The following MACROD1 variants were observed in gnomAD, a reference collection of about 807,000 sequenced individuals.
MACROD1 encodes mono-ADP ribosylhydrolase 1.
Under a neutral mutation model 41.4 loss-of-function variants are expected in MACROD1, and 31 were observed. The ratio of observed to expected loss-of-function variants is 0.75; its 90% CI spans 0.56 to 1.01. MACROD1 has a LOEUF of 1.01. Among genes scored for constraint, MACROD1 ranks in the 50% least tolerant of loss-of-function variants. The pLI is 0.00. For missense variants in MACROD1, 473 were observed against 460.0 expected (o/e 1.03, Z -0.26); for synonymous variants, 252 against 203.4 (o/e 1.24, Z -2.03).
At chr11:64,006,503 C>T (rs1386219758) in intron 4 of MACROD1, among the ~76,000 whole-genome samples, 3 of 152,208 alleles carry the variant, frequency 2.0e-5, no homozygotes, top group Non-Finnish European at 2.9e-5. Context: ...AAATTCATTA[C>T]GGGGTGAGAT....
At chr11:64,013,691 G>A (rs1227056966) in intron 4 of MACROD1, among the ~76,000 whole-genome samples, 1 of 152,148 alleles carries the variant, frequency 6.6e-6, no homozygotes, top group Non-Finnish European at 1.5e-5. Flanking sequence ...TTCCTGAACT[G>A]AATGGCTAAA....
intron 1 of MACROD1, among the ~76,000 whole-genome samples, chr11:64,163,833 G>A (rs1001314350): frequency 1.3e-5 from 2 of 152,202 alleles, no homozygotes; most frequent in African/African-American, 4.8e-5. Flanking sequence ...ACTATTGGGG[G>A]ATCTCCACAT....
At chr11:64,035,824 G>C (rs1374442466) in intron 3 of MACROD1, 3 of 144,904 alleles carry the variant, frequency 2.1e-5, no homozygotes, top group Non-Finnish European at 4.6e-5. Context: ...CTGGTTCCCC[G>C]CGCCCTGCTC....
intron 5 of MACROD1, 117 bp from the exon 6 acceptor site, chr11:63,999,880 GCCT>G: frequency 8.1e-7 from 1 of 1,228,586 alleles, no homozygotes; most frequent in Non-Finnish European, 1.1e-6. Context: ...CAAGCGCTGA[GCCT>G]CCTCCGCGAA....
chr11:64,086,039 C>G (rs1276894533), intron 3 of MACROD1, among the ~76,000 whole-genome samples: 2 of 152,194 alleles, frequency 1.3e-5, no homozygotes, highest in Non-Finnish European at 1.5e-5. Flanking sequence ...GTGGCCACAG[C>G]CTGTCCCTGC....
At chr11:64,114,319 A>T (rs1311169643) in intron 3 of MACROD1, among the ~76,000 whole-genome samples, 1 of 137,896 alleles carries the variant, frequency 7.3e-6, no homozygotes, top group Non-Finnish European at 1.5e-5. Flanking sequence ...TGGATGACGG[A>T]TGGATGGACG....
At chr11:64,066,267 A>C (rs942701607) in intron 3 of MACROD1, among the ~76,000 whole-genome samples, 1 of 141,216 alleles carries the variant, frequency 7.1e-6, no homozygotes, top group Non-Finnish European at 1.5e-5. Context: ...ACTGCACCCC[A>C]GCCTCGGTGA....
At chr11:64,091,846 C>T (rs1346757004) in intron 3 of MACROD1, among the ~76,000 whole-genome samples, 1 of 152,190 alleles carries the variant, frequency 6.6e-6, no homozygotes. Context: ...CCCAGCACAG[C>T]CAAAGGCAGG....
chr11:64,017,743 C>T (rs1407340425), intron 3 of MACROD1, among the ~76,000 whole-genome samples: 2 of 152,114 alleles, frequency 1.3e-5, no homozygotes, highest in Non-Finnish European at 2.9e-5. Context: ...CTGGGCAGTC[C>T]TGGCAGCGGT....
At chr11:64,051,512 C>A (rs1234612357) in intron 3 of MACROD1, among the ~76,000 whole-genome samples, 2 of 152,208 alleles carry the variant, frequency 1.3e-5, no homozygotes, top group Non-Finnish European at 2.9e-5. Context: ...GCTCCTGGCT[C>A]CTGGGCGGCA....
intron 4 of MACROD1, among the ~76,000 whole-genome samples, chr11:64,011,958 C>T (rs1396486389): frequency 6.6e-6 from 1 of 152,066 alleles, no homozygotes; most frequent in East Asian, 1.9e-4. Context: ...AGGCTGGGCT[C>T]CATTCCAGCC....
At chr11:64,143,076 T>C (rs931671603) in intron 3 of MACROD1, among the ~76,000 whole-genome samples, 1 of 131,924 alleles carries the variant, frequency 7.6e-6, no homozygotes, top group African/African-American at 3.0e-5. Flanking sequence ...ATTGCACCAC[T>C]GTACTCCAGC....
intron 3 of MACROD1, among the ~76,000 whole-genome samples, chr11:64,084,783 GC>G (rs1185474936): frequency 6.6e-6 from 1 of 152,202 alleles, no homozygotes; most frequent in African/African-American, 2.4e-5. Context: ...TCACCCGCCA[GC>G]CCAGACTGGG....
chr11:64,040,341 A>C (rs1286080602), intron 3 of MACROD1, among the ~76,000 whole-genome samples: 2 of 152,206 alleles, frequency 1.3e-5, no homozygotes, highest in African/African-American at 4.8e-5. Context: ...GGGCAGGGAC[A>C]GAAACAAGGG....
At chr11:64,074,239 C>T (rs776516802) in intron 3 of MACROD1, among the ~76,000 whole-genome samples, 1 of 152,226 alleles carries the variant, frequency 6.6e-6, no homozygotes. Context: ...GAATGCAGTT[C>T]GTGGGGTTCT....
chr11:64,142,748 C>A (rs1034319216), intron 3 of MACROD1, among the ~76,000 whole-genome samples: 1 of 152,160 alleles, frequency 6.6e-6, no homozygotes, highest in Admixed American at 6.5e-5. Context: ...GCCTCTTGGA[C>A]CCCAGGCATC....
At chr11:64,001,365 C>G in intron 4 of MACROD1, 1 of 697,180 alleles carries the variant, frequency 1.4e-6, no homozygotes, top group Admixed American at 2.0e-5. Context: ...TTTGGCAGCT[C>G]TGATCGCCCA....
At chr11:64,077,378 G>A (rs949967696) in intron 3 of MACROD1, among the ~76,000 whole-genome samples, 1 of 152,186 alleles carries the variant, frequency 6.6e-6, no homozygotes, top group Non-Finnish European at 1.5e-5. Context: ...CCCCTGTCAC[G>A]GGGCTGCCCT....
chr11:64,040,918 C>T (rs955159464), intron 3 of MACROD1, among the ~76,000 whole-genome samples: 7 of 152,104 alleles, frequency 4.6e-5, no homozygotes, highest in African/African-American at 1.7e-4. Context: ...GGCCAGGCCC[C>T]AGGTGTGGCA....
Sources: allele counts gnomAD v4.1 joint callset (sites outside exome capture counted in the v4.1 genomes callset), GRCh38; gene constraint gnomAD v4.1.1; transcripts MANE v1.5; gene names NCBI Gene and HGNC (gene_info 2026-07-23, HGNC 2026-07-21).